The following MAPK10 variants were observed in gnomAD, a reference collection of about 807,000 sequenced individuals.
The protein encoded by MAPK10 is mitogen-activated protein kinase 10, also known as JNK3 alpha protein kinase.
MAPK10 carries 25 observed loss-of-function variants against 59.3 expected under a neutral mutation model. The ratio of observed to expected loss-of-function variants is 0.42; its 90% confidence interval spans 0.31 to 0.59. The LOEUF (loss-of-function observed/expected upper bound fraction) is 0.59, where lower values mean the gene tolerates loss of function less well. MAPK10 is among the 20% of genes least tolerant of loss of function. MAPK10 has a pLI of 0.15. For missense variants in MAPK10, 351 were observed against 568.9 expected (o/e 0.62, Z 3.90); for synonymous variants, 190 against 200.5 (o/e 0.95, Z 0.44).
chr4:86,407,800 C>CT (rs201177851), intron 1 of MAPK10, among the ~76,000 whole-genome samples: 2 of 151,242 alleles, frequency 1.3e-5, no homozygotes, highest in Admixed American at 1.3e-4. Flanking sequence ...ATTTGTATGG[C>CT]TTTTTTTAAT....
chr4:86,340,545 A>G (rs1724299578), intron 2 of MAPK10: 1 of 152,152 alleles, frequency 6.6e-6, no homozygotes, highest in Non-Finnish European at 1.5e-5. Flanking sequence ...CACCCCCATG[A>G]TCTAATCATC....
At chr4:86,306,439 T>C (rs1442780084) in intron 2 of MAPK10, among the ~76,000 whole-genome samples, 1 of 152,208 alleles carries the variant, frequency 6.6e-6, no homozygotes, top group Admixed American at 6.5e-5. Flanking sequence ...CTTGCAAGTA[T>C]CTCAGAGACT....
At chr4:86,074,008 A>G (rs980506082) in intron 9 of MAPK10, among the ~76,000 whole-genome samples, 2 of 95,138 alleles carry the variant, frequency 2.1e-5, no homozygotes, top group Non-Finnish European at 4.3e-5. Flanking sequence ...AAAGTCTCCC[A>G]TTATTAATGT....
intron 2 of MAPK10, among the ~76,000 whole-genome samples, chr4:86,218,177 A>C (rs1175570137): frequency 6.6e-6 from 1 of 152,154 alleles, no homozygotes; most frequent in Non-Finnish European, 1.5e-5. Flanking sequence ...CATTAGATTA[A>C]AATATTGTAC....
intron 9 of MAPK10, among the ~76,000 whole-genome samples, chr4:86,092,086 A>G (rs955036598): frequency 5.9e-5 from 9 of 152,194 alleles, no homozygotes; most frequent in African/African-American, 2.2e-4. Context: ...TTTAAAATAT[A>G]TATCTTCATG....
At chr4:86,552,604 G>A (rs75347752) in intron 1 of MAPK10, among the ~76,000 whole-genome samples, 1 of 152,018 alleles carries the variant, frequency 6.6e-6, no homozygotes, top group Non-Finnish European at 1.5e-5. Context: ...CCTACTTGTG[G>A]GGAGACAATC....
At chr4:86,107,836 A>G (rs939581505) in intron 4 of MAPK10, among the ~76,000 whole-genome samples, 6 of 152,124 alleles carry the variant, frequency 3.9e-5, no homozygotes, top group African/African-American at 1.4e-4. Flanking sequence ...AACATTTTCT[A>G]TACCCATTCA....
intron 2 of MAPK10, among the ~76,000 whole-genome samples, chr4:86,334,017 C>T (rs2096215096): frequency 1.3e-5 from 2 of 152,108 alleles, no homozygotes; most frequent in Non-Finnish European, 2.9e-5. Flanking sequence ...GTGATGAGGA[C>T]TCACCATAAC....
chr4:86,556,339 CT>C (rs1760265505), intron 1 of MAPK10, among the ~76,000 whole-genome samples: 1 of 152,114 alleles, frequency 6.6e-6, no homozygotes, highest in Non-Finnish European at 1.5e-5. Context: ...GTAAAACATT[CT>C]GAATACATCT....
intron 2 of MAPK10, among the ~76,000 whole-genome samples, chr4:86,213,914 C>T (rs2086598953): frequency 6.6e-6 from 1 of 151,934 alleles, no homozygotes; most frequent in Non-Finnish European, 1.5e-5. Context: ...AAAGATATTA[C>T]AAGAAAATAA....
chr4:86,478,397 CA>C (rs1753299216), intron 1 of MAPK10, among the ~76,000 whole-genome samples: 1 of 152,186 alleles, frequency 6.6e-6, no homozygotes, highest in Non-Finnish European at 1.5e-5. Context: ...TTTATCCAAA[CA>C]ACTTGACCTT....
chr4:86,581,917 A>ATAT (rs1301782303), intron 1 of MAPK10, among the ~76,000 whole-genome samples: 4 of 59,116 alleles, frequency 6.8e-5, no homozygotes, highest in Non-Finnish European at 4.4e-5. Context: ...ATATATATAT[A>ATAT]TATATATATA....
At chr4:86,224,842 T>C (rs2090330817) in intron 2 of MAPK10, among the ~76,000 whole-genome samples, 1 of 152,302 alleles carries the variant, frequency 6.6e-6, no homozygotes, top group East Asian at 1.9e-4. Flanking sequence ...TTATCCAAGA[T>C]GAATGAGACT....
chr4:86,446,069 T>C (rs72868852), intron 1 of MAPK10, among the ~76,000 whole-genome samples: 199 of 152,284 alleles, frequency 1.3e-3, no homozygotes, highest in African/African-American at 4.6e-3. Context: ...TTATAGCTTA[T>C]GTAGAAGTGA....
intron 10 of MAPK10, chr4:86,065,598 C>T (rs571372711): frequency 1.5e-4 from 23 of 152,282 alleles, no homozygotes; most frequent in Middle Eastern, 3.4e-3. Context: ...AGGTTTGTTA[C>T]ATAGGTATAC....
chr4:86,464,737 G>A lies in MAPK10; in HGVS notation c.-262-110093C>T, dbSNP rs181099899. 2.4e-3 allele frequency among the ~76,000 whole-genome samples: 367 copies of A among 151,826 alleles called. 3 individuals carry two copies. The highest frequency in any genetic ancestry group is 8.3e-3 in the African/African-American group (344 of 41,374). On this transcript the variant is annotated intron_variant, in intron 1 of 4. Coordinates refer to the MAPK10 transcript ENST00000502302. ...CAGGAGGCTGAGGCAGGAGAGTGGC[G>A]TGAACCCAGGAGGTGGCGCTTGCAG...
intron 13 of MAPK10, among the ~76,000 whole-genome samples, chr4:86,021,586 C>T (rs1746912647): frequency 6.6e-6 from 1 of 152,270 alleles, no homozygotes; most frequent in Non-Finnish European, 1.5e-5. Context: ...AGCTGCCTGC[C>T]AGTCCTGCGC....
intron 11 of MAPK10, among the ~76,000 whole-genome samples, chr4:86,060,944 A>G (rs1579380389): frequency 6.6e-6 from 1 of 152,188 alleles, no homozygotes; most frequent in Non-Finnish European, 1.5e-5. Flanking sequence ...AAATATCAAA[A>G]GATAGTAAAG....
At chr4:86,270,991 CT>C (rs1397257183) in intron 2 of MAPK10, among the ~76,000 whole-genome samples, 1 of 151,952 alleles carries the variant, frequency 6.6e-6, no homozygotes, top group Admixed American at 6.6e-5. Flanking sequence ...ACATACAAAT[CT>C]TTTTGTGGAC....
Sources: allele counts gnomAD v4.1 joint callset (sites outside exome capture counted in the v4.1 genomes callset), GRCh38; gene constraint gnomAD v4.1.1; transcripts MANE v1.5; gene names NCBI Gene and HGNC (gene_info 2026-07-23, HGNC 2026-07-21).